Variants in EIF3L observed in about 807,000 individuals in gnomAD.
The protein encoded by EIF3L is eIEF associated protein HSPC021.
Under a neutral mutation model 74.6 loss-of-function variants are expected in EIF3L, and 32 were observed. The ratio of observed to expected loss-of-function variants is 0.43; its 90% CI spans 0.32 to 0.58. The LOEUF (loss-of-function observed/expected upper bound fraction) is 0.58, where lower values mean the gene tolerates loss of function less well. Among genes scored for constraint, EIF3L ranks in the 20% least tolerant of loss-of-function variants. The probability of loss-of-function intolerance (pLI) is 0.06; values close to 1 mark genes in which losing one functional copy is unlikely to be tolerated. For synonymous variants in EIF3L, 256 were observed against 254.4 expected, an observed-to-expected ratio of 1.01 and a Z score of -0.06; for missense variants, 474 against 707.8, an observed-to-expected ratio of 0.67 and a Z score of 3.75.
At chr22:37,852,457 C>T (rs1402828945) in intron 3 of EIF3L, among the ~76,000 whole-genome samples, 2 of 151,932 alleles carry the variant, frequency 1.3e-5, no homozygotes, top group African/African-American at 2.4e-5. Flanking sequence ...GAGGGGCTGC[C>T]GTTGTGTAAT....
chr22:37,881,123 C>G (rs1927025690), intron 11 of EIF3L: 1 of 152,210 alleles, frequency 6.6e-6, no homozygotes, highest in Admixed American at 6.5e-5. Context: ...GATACACAAG[C>G]AACATAGCAG....
intron 2 of EIF3L, chr22:37,850,429 G>A (rs922796068): frequency 4.3e-6 from 1 of 233,962 alleles, no homozygotes; most frequent in Admixed American, 5.3e-5. Flanking sequence ...CGCGTCCCTC[G>A]TTCAAGCAGT....
intron 4 of EIF3L, among the ~76,000 whole-genome samples, chr22:37,856,608 G>A (rs1925521156): frequency 6.6e-6 from 1 of 152,104 alleles, no homozygotes; most frequent in South Asian, 2.1e-4. Context: ...ACTTTGGGAG[G>A]CCGAGGCGGG....
At position 37,850,000 on chromosome 22, in the gene EIF3L, T is replaced by A. The variant is rs200410918; in HGVS notation, c.34-15T>A. The stretch of plus-strand genomic sequence containing the variant: ...GACTTGGCGGCTGTCCTTGACTGTG[T>A]CTCTTTCCTTCTAGGCGGCTTATGA... On this transcript the variant is annotated splice_polypyrimidine_tract_variant and intron_variant, in intron 1 of 12. Coordinates refer to ENST00000652021, the MANE Select transcript of EIF3L (RefSeq NM_016091.4). 187 of 1,613,640 alleles carry A rather than the reference T, an allele frequency of 1.2e-4. 1 individual carries two copies. In the East Asian group the frequency reaches 3.4e-3, roughly 29 times the overall value.
intron 5 of EIF3L, among the ~76,000 whole-genome samples, chr22:37,860,653 G>A (rs1328094368): frequency 2.0e-5 from 3 of 152,186 alleles, no homozygotes; most frequent in African/African-American, 4.8e-5. Flanking sequence ...GATTACAGGC[G>A]TGAGCCACTG....
intron 3 of EIF3L, 99 bp from the exon 4 acceptor site, chr22:37,855,466 A>G (rs990919375): frequency 1.9e-6 from 2 of 1,070,926 alleles, no homozygotes; most frequent in African/African-American, 1.6e-5. Flanking sequence ...TTTATTTGAC[A>G]TCTTCCCCTT....
At position 37,888,829 on chromosome 22, in the gene EIF3L, G is replaced by A. The variant is rs151228768; in HGVS notation, c.*365G>A. The A allele has an allele frequency of 1.8e-4, 39 of 216,946 alleles. No individual in the cohort carries two copies. The highest frequency in any genetic ancestry group is 1.3e-3 in the East Asian group (10 of 7,468). 13.4% of individuals were successfully genotyped at this position (216,946 alleles called of 1,614,324 possible). Reference sequence around the variant, plus strand: ...GTGATCTCAGTTCGTTGCATCCTCCGCTGCCCAGGTTCAAGCAGTTCTGCC... The same window carrying A: ...GTGATCTCAGTTCGTTGCATCCTCCACTGCCCAGGTTCAAGCAGTTCTGCC... On this transcript the variant is annotated 3_prime_UTR_variant, in exon 13 of 13. Transcript: ENST00000652021.
intron 4 of EIF3L, among the ~76,000 whole-genome samples, chr22:37,856,181 A>G (rs1018865983): frequency 6.6e-6 from 1 of 151,672 alleles, no homozygotes; most frequent in African/African-American, 2.4e-5. Flanking sequence ...GGTTCAAGCA[A>G]TTCTCCTACC....
At chr22:37,853,116 A>G (rs1487919598) in intron 3 of EIF3L, among the ~76,000 whole-genome samples, 1 of 152,194 alleles carries the variant, frequency 6.6e-6, no homozygotes, top group Non-Finnish European at 1.5e-5. Flanking sequence ...GCTACCGATG[A>G]TGAGTCCGTA....
In EIF3L at chr22:37,863,056, C is replaced by A; in HGVS notation, c.505+18C>A. 1 of 1,606,322 alleles carries A rather than the reference C, an allele frequency of 6.2e-7. No homozygotes were observed. The highest frequency in any genetic ancestry group is 8.5e-7 in the Non-Finnish European group (1 of 1,174,822). ...CATTCTTAGTGAGTCTGAGATTTGG[C>A]CAAGAGGGTGTGTGTGGTTATGATG... On this transcript the variant is annotated intron_variant, in intron 6 of 12. Transcript: ENST00000652021.
intron 1 of EIF3L, 67 bp from the exon 2 acceptor site, chr22:37,849,948 A>T (rs1925084326): frequency 6.4e-7 from 1 of 1,568,048 alleles, no homozygotes; most frequent in African/African-American, 1.4e-5. Flanking sequence ...TGGCATCTAG[A>T]CTCTAGGATG....
intron 8 of EIF3L, chr22:37,871,127 GA>G (rs796378154): frequency 0.067 from 9,616 of 144,190 alleles, 992 homozygotes; most frequent in African/African-American, 0.22. Context: ...GAACTTGTCT[GA>G]AAAAAAAAAA....
Position 37,851,340 on chromosome 22 carries a change from T to C in EIF3L, c.143T>C (p.Ile48Thr). 1 of 1,614,160 alleles carries C rather than the reference T, an allele frequency of 6.2e-7. No individual in the cohort carries two copies. The highest frequency in any genetic ancestry group is 8.5e-7 in the Non-Finnish European group (1 of 1,180,028). ...TATGAACAGCAAACCTATCAGGTGA[T>C]CCCTGAGGTGATCAAAAACTTCATC... Reference protein sequence around the residue: ...RQYEQQTYQVIPEVIKNFIQY... With the variant: ...RQYEQQTYQVTPEVIKNFIQY... The change falls in exon 3 of 13, where the codon ATC becomes ACC. Residue 48 changes from isoleucine (I) to threonine (T), a missense_variant. By Grantham distance (89) the Ile-to-Thr change is moderately conservative. Transcript: ENST00000652021.
intron 11 of EIF3L, chr22:37,879,838 C>T (rs147452996): frequency 0.046 from 6,867 of 147,800 alleles, 211 homozygotes; most frequent in Non-Finnish European, 0.069. Context: ...GTCATTCTGT[C>T]GTCCAGGCTG....
Position 37,855,619 on chromosome 22 carries a change from A to G in EIF3L, c.348A>G (p.Glu116=), listed in dbSNP as rs1925460210. ...AGAATACACCTTGGCCCGAGGCTGAAGCCATTGCTCCACAGGTTGGCAATG... is the reference window on the plus strand; with the variant it reads ...AGAATACACCTTGGCCCGAGGCTGAGGCCATTGCTCCACAGGTTGGCAATG... ...FFKNTPWPEA[E]AIAPQVGNDA... The change falls in exon 4 of 13, where the codon GAA becomes GAG. Residue 116 remains glutamate (E), a synonymous_variant. Transcript: ENST00000652021. The G allele has an allele frequency of 1.2e-6, 2 of 1,614,168 alleles. No individual in the cohort carries two copies. The highest frequency in any genetic ancestry group is 1.7e-6 in the Non-Finnish European group (2 of 1,180,014).
rs1927444887 is a variant in EIF3L at position 37,888,670 on chromosome 22, G to A, written c.*206G>A. ...TATTGTAGGAGAGAATTTGTGGGTTGTGGCAGTAATACATTTCCCATGTGT... is the reference window on the plus strand; with the variant it reads ...TATTGTAGGAGAGAATTTGTGGGTTATGGCAGTAATACATTTCCCATGTGT... On this transcript the variant is annotated 3_prime_UTR_variant, in exon 13 of 13. Transcript: ENST00000652021. 3 of 587,634 alleles carry A rather than the reference G, an allele frequency of 5.1e-6. No individual in the cohort carries two copies. In the South Asian group the frequency reaches 6.6e-5, roughly 13 times the overall value. 36.4% of individuals were successfully genotyped at this position (587,634 alleles called of 1,614,324 possible).
chr22:37,877,454 T>A, intron 10 of EIF3L: 2 of 552,604 alleles, frequency 3.6e-6, no homozygotes, highest in Non-Finnish European at 3.2e-6. Flanking sequence ...GAGGTGCCAG[T>A]AAGGAATCCA....
At chr22:37,853,240 C>T (rs1473185654) in intron 3 of EIF3L, among the ~76,000 whole-genome samples, 1 of 152,138 alleles carries the variant, frequency 6.6e-6, no homozygotes, top group Non-Finnish European at 1.5e-5. Flanking sequence ...ACAGCATCCT[C>T]AGTTCTTGAC....
chr22:37,886,277 A>G (rs966648073), intron 11 of EIF3L: 5 of 151,794 alleles, frequency 3.3e-5, no homozygotes, highest in African/African-American at 1.2e-4. Flanking sequence ...AAAAAAATAT[A>G]TATAAACTAG....
Sources: gnomAD v4.1 joint callset for allele counts (sites outside exome capture counted in the v4.1 genomes callset) on GRCh38, gnomAD v4.1.1 for gene constraint, MANE v1.5 for transcripts, NCBI Gene and HGNC (gene_info 2026-07-23, HGNC 2026-07-21) for gene names.